PTPRE: variants seen among roughly 807,000 people sequenced by gnomAD.
The protein encoded by PTPRE is protein tyrosine phosphatase receptor type E.
A neutral mutation model predicts 102.0 loss-of-function variants in PTPRE; 51 were observed. The observed-to-expected ratio is 0.50, with a 90% confidence interval of 0.40 to 0.63. The LOEUF is 0.63. Among genes scored for constraint, PTPRE ranks in the 30% least tolerant of loss-of-function variants. The pLI is 0.00. For synonymous variants in PTPRE, 345 were observed against 348.2 expected (o/e 0.99, Z 0.10); for missense variants, 752 against 915.1 (o/e 0.82, Z 2.30).
At chr10:128,039,434 G>A (rs781588495) in intron 2 of PTPRE, among the ~76,000 whole-genome samples, 1 of 152,128 alleles carries the variant, frequency 6.6e-6, no homozygotes, top group Non-Finnish European at 1.5e-5. Context: ...AATTATTTGT[G>A]TATGTGGCTC....
At chr10:127,946,955 G>A (rs938207398) in intron 1 of PTPRE, among the ~76,000 whole-genome samples, 1 of 150,634 alleles carries the variant, frequency 6.6e-6, no homozygotes, top group Non-Finnish European at 1.5e-5. Flanking sequence ...TCGAGCTCAG[G>A]AGGGCAAGGC....
intron 10 of PTPRE, among the ~76,000 whole-genome samples, chr10:128,064,653 CT>C (rs1849902973): frequency 1.3e-5 from 2 of 152,242 alleles, no homozygotes; most frequent in Non-Finnish European, 2.9e-5. Context: ...AGTCATTCTG[CT>C]GAAAGTGTCA....
intron 10 of PTPRE, among the ~76,000 whole-genome samples, chr10:128,063,986 G>C (rs1235034336): frequency 6.6e-6 from 1 of 152,368 alleles, no homozygotes; most frequent in East Asian, 1.9e-4. Context: ...CTGGCATGAA[G>C]GCCCGGTTCA....
rs767628707 is a variant in PTPRE at position 128,073,364 on chromosome 10, G to A, written c.1492G>A (p.Ala498Thr). ...DGYRQKDYFI[A>T]TQGPLAHTVE... ...CTACCGACAGAAGGACTATTTCATCGCCACCCAGGGGCCACTGGCACACAC... is the reference window on the plus strand; with the variant it reads ...CTACCGACAGAAGGACTATTTCATCACCACCCAGGGGCCACTGGCACACAC... The change falls in exon 17 of 21, where the codon GCC becomes ACC. Residue 498 changes from alanine (A) to threonine (T), a missense_variant. Ala to Thr is a moderately conservative substitution (Grantham distance 58, BLOSUM62 0). This residue lies in a region of PTPRE where 636 missense variants were observed against 824.4 expected (regional missense o/e 0.77). Transcript: ENST00000254667. 2.5e-6 allele frequency: 4 copies of A among 1,614,142 alleles called. No homozygotes were observed. The highest frequency in any genetic ancestry group is 2.2e-5 in the South Asian group (2 of 91,080).
Position 128,017,049 on chromosome 10 carries a change from C to A in PTPRE, c.-7-23826C>A, listed in dbSNP as rs575009517. 3.9e-5 allele frequency among the ~76,000 whole-genome samples: 6 copies of A among 152,278 alleles called. No individual in the cohort carries two copies. In the East Asian group the frequency reaches 9.7e-4, roughly 25 times the overall value. Reference sequence around the variant, plus strand: ...GACCTCGTCATGCACACGCATTGAGCACCTGCTGTATGCGAGTCAGACTGC... The same window carrying A: ...GACCTCGTCATGCACACGCATTGAGAACCTGCTGTATGCGAGTCAGACTGC... On this transcript the variant is annotated intron_variant, in intron 2 of 20. Transcript: ENST00000254667.
intron 19 of PTPRE, 132 bp from the exon 20 acceptor site, chr10:128,079,428 A>G: frequency 1.6e-6 from 2 of 1,230,654 alleles, no homozygotes; most frequent in Non-Finnish European, 2.2e-6. Context: ...TCAAAAAAAA[A>G]TTCAGTCAAA....
chr10:128,065,698 C>T (rs1012249517), intron 10 of PTPRE, among the ~76,000 whole-genome samples: 3 of 152,168 alleles, frequency 2.0e-5, no homozygotes, highest in Non-Finnish European at 2.9e-5. Context: ...CTGGGGGGAG[C>T]ACCGTCCTTG....
At chr10:127,964,266 T>C (rs914235869) in intron 1 of PTPRE, among the ~76,000 whole-genome samples, 3 of 152,098 alleles carry the variant, frequency 2.0e-5, no homozygotes, top group African/African-American at 7.2e-5. Context: ...GCCTCCCGGG[T>C]TCCAGCAATT....
Position 127,966,937 on chromosome 10 carries a change from A to C in PTPRE, c.-30-15337A>C, listed in dbSNP as rs116515308. 9.7e-3 allele frequency among the ~76,000 whole-genome samples: 1,477 copies of C among 152,368 alleles called. 32 individuals carry two copies. Among genetic ancestry groups the C allele is most frequent in the African/African-American group, 0.034 (1,419 of 41,574 alleles). On this transcript the variant is annotated intron_variant, in intron 1 of 20. Coordinates refer to ENST00000254667, the MANE Select transcript of PTPRE (RefSeq NM_006504.6). ...TAATTCTTTTGAAAAAAATGATTAA[A>C]ATCAGAAAATTATTTTCAGATAAAG...
intron 5 of PTPRE, 144 bp from the exon 6 acceptor site, chr10:128,049,386 G>T (rs1390190491): frequency 2.9e-6 from 3 of 1,049,320 alleles, no homozygotes; most frequent in East Asian, 2.5e-5. Context: ...TCGGGACCCG[G>T]CTTAGCCCAG....
intron 2 of PTPRE, chr10:127,999,796 C>A (rs1231945905): frequency 6.1e-6 from 6 of 985,324 alleles, no homozygotes; most frequent in Non-Finnish European, 6.0e-6. Flanking sequence ...CAGCCGCGAG[C>A]CTCAGAAGGA....
At chr10:127,940,481 G>A (rs1848164993) in intron 1 of PTPRE, among the ~76,000 whole-genome samples, 1 of 152,098 alleles carries the variant, frequency 6.6e-6, no homozygotes, top group Admixed American at 6.5e-5. Flanking sequence ...CCTTCCTCTG[G>A]GAAGCCCCCA....
At position 128,047,745 on chromosome 10, in the gene PTPRE, C is replaced by A. The variant is rs775432608; in HGVS notation, c.210-19C>A. The A allele has an allele frequency of 6.2e-7, 1 of 1,611,918 alleles. No homozygotes were observed. Among genetic ancestry groups the A allele is most frequent in the Non-Finnish European group, 8.5e-7 (1 of 1,178,130 alleles). On this transcript the variant is annotated intron_variant, in intron 4 of 20. Transcript: ENST00000254667. ...GGAACCTAGAAGTGTGGAAACCTAA[C>A]GCATCCTGTGTCTCTAAGGTTCAGG...
intron 2 of PTPRE, among the ~76,000 whole-genome samples, chr10:128,016,871 C>T (rs967135717): frequency 1.3e-5 from 2 of 152,202 alleles, no homozygotes; most frequent in Non-Finnish European, 2.9e-5. Flanking sequence ...GACCTGTGGC[C>T]GCTGTGGAGC....
At chr10:128,045,063 C>T (rs1411701019) in intron 3 of PTPRE, among the ~76,000 whole-genome samples, 1 of 152,236 alleles carries the variant, frequency 6.6e-6, no homozygotes, top group African/African-American at 2.4e-5. Flanking sequence ...GGCCTCCCCA[C>T]ACCACCCAGG....
chr10:128,081,727 G>A (rs1381192732), intron 20 of PTPRE, among the ~76,000 whole-genome samples: 5 of 152,218 alleles, frequency 3.3e-5, no homozygotes, highest in African/African-American at 1.2e-4. Flanking sequence ...GTAGCCAGAA[G>A]TGAGGACCCT....
At chr10:128,081,976 C>T (rs1003469196) in intron 20 of PTPRE, among the ~76,000 whole-genome samples, 2 of 152,218 alleles carry the variant, frequency 1.3e-5, no homozygotes, top group African/African-American at 4.8e-5. Flanking sequence ...GTGCTGAGGA[C>T]AGCTCTTGGC....
At chr10:128,023,666 G>A (rs1322822314) in intron 2 of PTPRE, among the ~76,000 whole-genome samples, 8 of 152,306 alleles carry the variant, frequency 5.3e-5, no homozygotes, top group South Asian at 4.1e-4. Context: ...ACAGATAAGC[G>A]GGGAACTGCT....
At position 128,070,333 on chromosome 10, in the gene PTPRE, C is replaced by T. The variant is rs758762805; in HGVS notation, c.1176C>T (p.Leu392=). ...ACACGTTCATCTACCAAGCCTTACTCGAGTACTACCTCTACGGGGACACAG... is the reference window on the plus strand; with the variant it reads ...ACACGTTCATCTACCAAGCCTTACTTGAGTACTACCTCTACGGGGACACAG... The part of the protein sequence containing the change: ...MQYTFIYQAL[L]EYYLYGDTEL... Residue 392 remains leucine, a synonymous_variant, in exon 14 of 21, where the codon CTC becomes CTT. Transcript: ENST00000254667. The surrounding 1 kb of genome is among the most constrained non-coding windows in gnomAD (Gnocchi z 4.8). The T allele has an allele frequency of 1.9e-5, 30 of 1,613,758 alleles. No individual in the cohort carries two copies. The highest frequency in any genetic ancestry group is 7.7e-5 in the South Asian group (7 of 90,972).
Sources: allele counts gnomAD v4.1 joint callset (sites outside exome capture counted in the v4.1 genomes callset), GRCh38; gene constraint gnomAD v4.1.1; regional missense constraint gnomAD v4.1.1; non-coding constraint Gnocchi (gnomAD v3.1); transcripts MANE v1.5; gene names NCBI Gene and HGNC (gene_info 2026-07-23, HGNC 2026-07-21).